Variants in RIT2 observed in about 807,000 individuals in gnomAD.
RIT2 encodes the protein Ras like without CAAX 2.
A neutral mutation model predicts 23.7 loss-of-function variants in RIT2; 24 were observed. The ratio of observed to expected loss-of-function variants is 1.01; its 90% CI spans 0.73 to 1.43. The LOEUF (loss-of-function observed/expected upper bound fraction) is 1.43, where lower values mean the gene tolerates loss of function less well. Ranked by LOEUF, RIT2 falls within the 40% of genes most tolerant of loss-of-function variation. The pLI, the probability that RIT2 is intolerant of heterozygous loss-of-function variation, is 0.00. For synonymous variants in RIT2, 107 were observed against 91.1 expected (o/e 1.17, Z -0.99); for missense variants, 236 against 266.9 (o/e 0.88, Z 0.81).
chr18:43,083,079 A>G (rs1246175845), intron 1 of RIT2, among the ~76,000 whole-genome samples: 1 of 152,154 alleles, frequency 6.6e-6, no homozygotes, highest in Non-Finnish European at 1.5e-5. Flanking sequence ...ATTCCTATAT[A>G]CCAATAATAG....
intron 1 of RIT2, among the ~76,000 whole-genome samples, chr18:43,062,962 T>C (rs1030975156): frequency 5.3e-5 from 8 of 152,126 alleles, no homozygotes; most frequent in African/African-American, 1.9e-4. Context: ...TTTGGGTTTT[T>C]TTTGAAAAGG....
In RIT2 at chr18:42,794,600, G is replaced by A. The variant is rs562604137; in HGVS notation, c.427-50880C>T. On this transcript the variant is annotated intron_variant, in intron 4 of 4. Coordinates refer to ENST00000326695, the MANE Select transcript of RIT2 (RefSeq NM_002930.4). ...CAGATAGTTAAATCTTAGAGACACA[G>A]TTTATATCTCTGATTTCTACTTCTG... 2.6e-5 allele frequency among the ~76,000 whole-genome samples: 4 copies of A among 152,236 alleles called. No homozygotes were observed. In the East Asian group the frequency reaches 5.8e-4, roughly 22 times the overall value.
chr18:42,926,881 A>G (rs998076793), intron 3 of RIT2, among the ~76,000 whole-genome samples: 4 of 152,044 alleles, frequency 2.6e-5, no homozygotes, highest in East Asian at 1.9e-4. Flanking sequence ...AAAGACAGTC[A>G]TAGTACATGA....
At chr18:43,105,490 G>GAAGGGAGGAAGAGAGGAAGGGAGGAAGTA in intron 1 of RIT2, among the ~76,000 whole-genome samples, 1 of 118,312 alleles carries the variant, frequency 8.5e-6, no homozygotes, top group Admixed American at 8.9e-5. Context: ...GGGAGGAAGG[G>GAAGGGAGGAAGAGAGGAAGGGAGGAAGTA]AGGAAGAAAG....
At chr18:42,906,007 CATATATATATATATGT>C in intron 4 of RIT2, among the ~76,000 whole-genome samples, 1 of 3,174 alleles carries the variant, frequency 3.2e-4, no homozygotes, top group South Asian at 4.7e-3. Flanking sequence ...TATATATATA[CATATATATATATATGT>C]ATATATATAT....
intron 4 of RIT2, among the ~76,000 whole-genome samples, chr18:42,800,731 C>T (rs1905512287): frequency 6.6e-6 from 1 of 151,988 alleles, no homozygotes; most frequent in Non-Finnish European, 1.5e-5. Context: ...CGGGGTTTTA[C>T]TGTGTTAGCC....
chr18:42,757,591 TG>T (rs1307071984), intron 4 of RIT2, among the ~76,000 whole-genome samples: 1 of 152,212 alleles, frequency 6.6e-6, no homozygotes, highest in Non-Finnish European at 1.5e-5. Context: ...CTACGTTTTC[TG>T]GCCTTACACA....
chr18:42,907,553 C>T (rs1038212834), intron 4 of RIT2, among the ~76,000 whole-genome samples: 1 of 152,116 alleles, frequency 6.6e-6, no homozygotes, highest in African/African-American at 2.4e-5. Flanking sequence ...TATGAGTCTC[C>T]TAATGTAATG....
At chr18:42,834,973 G>A (rs890182089) in intron 4 of RIT2, among the ~76,000 whole-genome samples, 5 of 152,020 alleles carry the variant, frequency 3.3e-5, no homozygotes, top group Admixed American at 3.3e-4. Context: ...TGAATGAGCT[G>A]GTCAAGCAGG....
At chr18:42,873,713 G>A (rs1907676951) in intron 4 of RIT2, among the ~76,000 whole-genome samples, 1 of 152,016 alleles carries the variant, frequency 6.6e-6, no homozygotes, top group African/African-American at 2.4e-5. Context: ...GATAAAAGCA[G>A]ATATCAGAAA....
chr18:43,082,846 A>C (rs927070875), intron 1 of RIT2, among the ~76,000 whole-genome samples: 2 of 152,022 alleles, frequency 1.3e-5, no homozygotes, highest in African/African-American at 2.4e-5. Flanking sequence ...CTCTCTCACC[A>C]CTCCTATTCA....
chr18:42,797,928 T>A (rs1905421567), intron 4 of RIT2, among the ~76,000 whole-genome samples: 1 of 152,244 alleles, frequency 6.6e-6, no homozygotes. Flanking sequence ...ATGCCACTGT[T>A]CTTGGCTGAT....
chr18:42,885,438 T>C (rs1907996308), intron 4 of RIT2, among the ~76,000 whole-genome samples: 1 of 151,858 alleles, frequency 6.6e-6, no homozygotes, highest in East Asian at 1.9e-4. Context: ...ACAAAAAAAT[T>C]AGCCAGGCGT....
intron 4 of RIT2, 95 bp from the exon 5 acceptor site, chr18:42,743,815 A>G: frequency 1.1e-6 from 1 of 925,346 alleles, no homozygotes; most frequent in African/African-American, 1.7e-5. Flanking sequence ...CAGGCCTCTG[A>G]GCCCAAGCCA....
rs754174204 is a variant in RIT2 at position 42,743,666 on chromosome 18, C to CA, written c.480dup (p.Glu161Ter). 6.8e-6 allele frequency: 11 copies of CA among 1,613,690 alleles called. No homozygotes were observed. The highest frequency in any genetic ancestry group is 2.2e-5 in the East Asian group (1 of 44,846). On this transcript the variant is annotated frameshift_variant, in exon 5 of 5. Coordinates refer to ENST00000326695, the MANE Select transcript of RIT2 (RefSeq NM_002930.4). LOFTEE classifies it high-confidence loss of function. ...CAGAATCTGAGGGCTGCAGAGGTCT[C>CA]AAAAAAACCACAATTATATTCTTGG...
chr18:42,768,305 C>T (rs1216966186), intron 4 of RIT2, among the ~76,000 whole-genome samples: 2 of 152,050 alleles, frequency 1.3e-5, no homozygotes, highest in African/African-American at 4.8e-5. Flanking sequence ...AAGTGCTGGC[C>T]TCAAGGTAGC....
At chr18:42,972,957 T>C (rs993115212) in intron 3 of RIT2, among the ~76,000 whole-genome samples, 11 of 151,834 alleles carry the variant, frequency 7.2e-5, no homozygotes, top group Non-Finnish European at 1.2e-4. Flanking sequence ...AATTTGTAAA[T>C]GATTTACAGT....
intron 4 of RIT2, among the ~76,000 whole-genome samples, chr18:42,881,903 T>C (rs769972298): frequency 6.6e-6 from 1 of 152,238 alleles, no homozygotes; most frequent in Admixed American, 6.5e-5. Flanking sequence ...CTGTGTTACA[T>C]TTTTACTTGT....
At chr18:43,007,638 C>T (rs1911257444) in intron 2 of RIT2, among the ~76,000 whole-genome samples, 1 of 151,632 alleles carries the variant, frequency 6.6e-6, no homozygotes, top group Non-Finnish European at 1.5e-5. Flanking sequence ...TGAAAAATTG[C>T]TACTGGCAAA....
Sources: gnomAD v4.1 joint callset for allele counts (sites outside exome capture counted in the v4.1 genomes callset) on GRCh38, gnomAD v4.1.1 for gene constraint, MANE v1.5 for transcripts, NCBI Gene and HGNC (gene_info 2026-07-23, HGNC 2026-07-21) for gene names.